The following PRSS3 variants were observed in gnomAD, a reference collection of about 807,000 sequenced individuals.
The protein encoded by PRSS3 is trypsin-3.
PRSS3 carries 14 observed loss-of-function variants against 20.8 expected under a neutral mutation model. That is an observed-to-expected ratio of 0.67 (90% CI 0.44 to 1.05). The LOEUF is 1.05. Among genes scored for constraint, PRSS3 ranks in the 50% least tolerant of loss-of-function variants. PRSS3 has a pLI of 0.00. For synonymous variants in PRSS3, 91 were observed against 117.6 expected (o/e 0.77, Z 1.46); for missense variants, 237 against 306.4 (o/e 0.77, Z 1.69).
chr9:33,767,180 C>A (rs146105378), intron 1 of PRSS3, among the ~76,000 whole-genome samples: 2 of 152,094 alleles, frequency 1.3e-5, no homozygotes, highest in East Asian at 1.9e-4. Flanking sequence ...ATTGGCCAGG[C>A]CTGGTGGCTC....
intron 1 of PRSS3, among the ~76,000 whole-genome samples, chr9:33,753,142 G>A (rs1354093393): frequency 6.6e-6 from 1 of 152,118 alleles, no homozygotes; most frequent in East Asian, 1.9e-4. Flanking sequence ...GGTTTTTGTT[G>A]TTCTTGTTGA....
rs855552 is a variant in PRSS3 at position 33,751,017 on chromosome 9, C to A, written c.-53+290C>A. 0.11 allele frequency among the ~76,000 whole-genome samples: 16,930 copies of A among 152,066 alleles called. 1,358 individuals are homozygous for A. Among genetic ancestry groups the A allele is most frequent in the African/African-American group, 0.22 (9,181 of 41,450 alleles). On this transcript the variant is annotated intron_variant, in intron 1 of 5. Transcript: ENST00000342836. ...ATGCGCACACTACTCCCACCGCCCC[C>A]GAGTGCCTATGTCCGGCTGGCCGCG...
At chr9:33,765,436 G>A (rs1008753980) in intron 1 of PRSS3, among the ~76,000 whole-genome samples, 1 of 151,830 alleles carries the variant, frequency 6.6e-6, no homozygotes, top group African/African-American at 2.4e-5. Context: ...TTTTTCTTTC[G>A]TTATTAAGAA....
chr9:33,781,530 G>A (rs1824184102), intron 1 of PRSS3, among the ~76,000 whole-genome samples: 1 of 152,132 alleles, frequency 6.6e-6, no homozygotes, highest in Non-Finnish European at 1.5e-5. Context: ...CTACTTGAGG[G>A]GAAGAGAGAG....
chr9:33,753,870 C>T (rs1822808374), intron 1 of PRSS3, among the ~76,000 whole-genome samples: 1 of 152,124 alleles, frequency 6.6e-6, no homozygotes. Context: ...AGGTGAGAAG[C>T]CTGAGGCTGG....
chr9:33,792,708 G>A (rs1824688918), upstream of PRSS3, among the ~76,000 whole-genome samples: 2 of 152,180 alleles, frequency 1.3e-5, no homozygotes, highest in Admixed American at 6.5e-5. Flanking sequence ...TTAATCACCT[G>A]GAAAATGGGC....
chr9:33,781,941 A>G (rs916782547), intron 1 of PRSS3, among the ~76,000 whole-genome samples: 7 of 152,152 alleles, frequency 4.6e-5, no homozygotes, highest in African/African-American at 1.7e-4. Flanking sequence ...CAGCCAATGC[A>G]TTGCAGTCTT....
At chr9:33,763,154 A>T (rs1202467720) in intron 1 of PRSS3, among the ~76,000 whole-genome samples, 1 of 152,226 alleles carries the variant, frequency 6.6e-6, no homozygotes, top group Non-Finnish European at 1.5e-5. Context: ...GGTTTCCTTT[A>T]GGAAGATGTA....
intron 1 of PRSS3, among the ~76,000 whole-genome samples, chr9:33,765,736 A>C (rs769516452): frequency 5.3e-5 from 8 of 152,174 alleles, no homozygotes; most frequent in Non-Finnish European, 1.2e-4. Flanking sequence ...TGTTTCTTGA[A>C]GTTTTGATTT....
At chr9:33,785,763 G>A (rs1447822445) in intron 1 of PRSS3, among the ~76,000 whole-genome samples, 1 of 152,168 alleles carries the variant, frequency 6.6e-6, no homozygotes, top group Non-Finnish European at 1.5e-5. Flanking sequence ...TGAGGAATAA[G>A]AGCCCATTTA....
chr9:33,789,955 G>A (rs1824560556), intron 1 of PRSS3, among the ~76,000 whole-genome samples: 2 of 152,118 alleles, frequency 1.3e-5, no homozygotes, highest in South Asian at 2.1e-4. Context: ...GTTTTTAAAT[G>A]TAGGGTTTTT....
At chr9:33,754,172 A>T (rs777892630) in intron 1 of PRSS3, among the ~76,000 whole-genome samples, 8 of 151,954 alleles carry the variant, frequency 5.3e-5, no homozygotes, top group Non-Finnish European at 1.2e-4. Context: ...CCCAGGGTTC[A>T]AGTGATTCTC....
At chr9:33,773,067 T>C (rs1200280094) in intron 1 of PRSS3, among the ~76,000 whole-genome samples, 1 of 152,198 alleles carries the variant, frequency 6.6e-6, no homozygotes. Context: ...CAACCATAAT[T>C]TCTCCTTTCC....
At chr9:33,770,148 C>CAA (rs75350050) in intron 1 of PRSS3, among the ~76,000 whole-genome samples, 1 of 139,838 alleles carries the variant, frequency 7.2e-6, no homozygotes, top group Non-Finnish European at 1.6e-5. Flanking sequence ...GAAACTGTCT[C>CAA]AAAAAAAAAA....
chr9:33,778,437 C>T (rs1824035529), intron 1 of PRSS3, among the ~76,000 whole-genome samples: 1 of 152,012 alleles, frequency 6.6e-6, no homozygotes, highest in Non-Finnish European at 1.5e-5. Flanking sequence ...GAAAGGACTA[C>T]TTACATCCAA....
rs1394472341 is a variant in PRSS3, at chr9:33,785,018, A to T, written c.-52-9728A>T. Among the ~76,000 whole-genome samples the T allele has an allele frequency of 8.5e-5, 13 of 152,304 alleles. No individual in the cohort carries two copies. The South Asian group carries it at 1.2e-3, about 15-fold the overall frequency. On this transcript the variant is annotated intron_variant, in intron 1 of 5. Transcript: ENST00000342836. The stretch of plus-strand genomic sequence containing the variant: ...CAATAATAAATAGCCTAACCAAAAA[A>T]TAGACTTAAATAAATGTATGAAAAG...
chr9:33,792,615 C>A (rs1824684732), upstream of PRSS3, among the ~76,000 whole-genome samples: 1 of 152,254 alleles, frequency 6.6e-6, no homozygotes, highest in Non-Finnish European at 1.5e-5. Flanking sequence ...GCCCTAGAGT[C>A]AGACCACCAT....
intron 1 of PRSS3, among the ~76,000 whole-genome samples, chr9:33,769,475 C>A (rs855466): frequency 5.3e-5 from 8 of 152,176 alleles, no homozygotes; most frequent in African/African-American, 1.9e-4. Flanking sequence ...CAAGGTTTTT[C>A]AGAATTTATA....
chr9:33,773,820 G>T (rs901882615), intron 1 of PRSS3, among the ~76,000 whole-genome samples: 4 of 148,200 alleles, frequency 2.7e-5, no homozygotes, highest in Non-Finnish European at 5.9e-5. Context: ...TTTATTTTTA[G>T]TAGAGACAGG....
Sources: gnomAD v4.1 joint callset for allele counts (sites outside exome capture counted in the v4.1 genomes callset) on GRCh38, gnomAD v4.1.1 for gene constraint, MANE v1.5 for transcripts, NCBI Gene and HGNC (gene_info 2026-07-23, HGNC 2026-07-21) for gene names.